Variants in CSMD2 observed in about 807,000 individuals in gnomAD.
The protein encoded by CSMD2 is CUB and sushi domain-containing protein 2.
In CSMD2, 130 loss-of-function variants were observed where a neutral mutation model predicts 398.5. The ratio of observed to expected loss-of-function variants is 0.33; its 90% CI spans 0.28 to 0.38. The LOEUF (loss-of-function observed/expected upper bound fraction) is 0.38. CSMD2 is among the 10% of genes least tolerant of loss of function. The probability of loss-of-function intolerance (pLI) is 1.00; values close to 1 mark genes in which losing one functional copy is unlikely to be tolerated. For synonymous variants in CSMD2, 1,828 were observed against 1,908.5 expected (o/e 0.96, Z 1.10); for missense variants, 3,829 against 4,764.9 (o/e 0.80, Z 5.78).
intron 2 of CSMD2, among the ~76,000 whole-genome samples, chr1:34,052,486 A>G (rs1653309412): frequency 7.6e-6 from 1 of 132,146 alleles, no homozygotes; most frequent in Non-Finnish European, 1.5e-5. Context: ...TCAATCCCCT[A>G]TGGGACAACT....
chr1:33,836,947 G>A (rs1357883446), intron 6 of CSMD2, among the ~76,000 whole-genome samples: 3 of 152,176 alleles, frequency 2.0e-5, no homozygotes, highest in Admixed American at 2.0e-4. Flanking sequence ...TTCATCTTCT[G>A]CGTCGCTCAC....
intron 3 of CSMD2, among the ~76,000 whole-genome samples, chr1:34,005,551 T>C (rs1647030009): frequency 6.6e-6 from 1 of 152,208 alleles, no homozygotes; most frequent in Admixed American, 6.5e-5. Context: ...GGAGTCCAAA[T>C]TAGCCATGTG....
In CSMD2 at chr1:33,825,793, G is replaced by A. The variant is rs781004347; in HGVS notation, c.1034-19C>T. The A allele has an allele frequency of 1.9e-6, 3 of 1,605,128 alleles. No homozygotes were observed. The highest frequency in any genetic ancestry group is 1.3e-5 in the African/African-American group (1 of 74,866). ...TTCTTGACTAGAGAGGAGGTAAGAG[G>A]AAAAACAATGTGAGTTGTTGCCTGT... On this transcript the variant is annotated intron_variant, in intron 6 of 70. Coordinates refer to ENST00000373381, the MANE Select transcript of CSMD2 (RefSeq NM_001281956.2).
intron 6 of CSMD2, among the ~76,000 whole-genome samples, chr1:33,827,251 G>A (rs572460312): frequency 6.6e-6 from 1 of 152,284 alleles, no homozygotes; most frequent in South Asian, 2.1e-4. Flanking sequence ...GGCAACCCAT[G>A]TCTTCTAGAG....
chr1:33,534,848 A>G (rs1189349972), intron 62 of CSMD2, among the ~76,000 whole-genome samples: 2 of 152,168 alleles, frequency 1.3e-5, no homozygotes, highest in African/African-American at 2.4e-5. Flanking sequence ...AATCCAACCC[A>G]TCAATGAGTC....
chr1:33,825,684 G>A lies in CSMD2; in HGVS notation c.1111+13C>T. 1.3e-6 allele frequency: 2 copies of A among 1,592,820 alleles called. No individual in the cohort carries two copies. The highest frequency in any genetic ancestry group is 1.7e-6 in the Non-Finnish European group (2 of 1,169,540). ...AAGAGGCCCGGCAGGCGGGCTGGCG[G>A]GCGGACACTTACACACAGACGTCTT... is the stretch of plus-strand genomic sequence containing the variant. On this transcript the variant is annotated intron_variant, in intron 7 of 70. Transcript: ENST00000373381.
At chr1:34,054,926 T>C (rs1455261421) in intron 2 of CSMD2, among the ~76,000 whole-genome samples, 4 of 152,158 alleles carry the variant, frequency 2.6e-5, no homozygotes, top group African/African-American at 9.7e-5. Context: ...CTAAATGCTT[T>C]TATTTTTTCT....
intron 13 of CSMD2, chr1:33,772,328 A>G: frequency 2.3e-6 from 1 of 437,360 alleles, no homozygotes; most frequent in African/African-American, 2.0e-5. Flanking sequence ...CAAGAAGGGT[A>G]AGACGGTGTT....
At chr1:33,767,713 T>C (rs1048007603) in intron 13 of CSMD2, among the ~76,000 whole-genome samples, 8 of 152,222 alleles carry the variant, frequency 5.3e-5, no homozygotes, top group African/African-American at 1.9e-4. Context: ...TATACAATAT[T>C]GATAGATTTC....
At chr1:33,724,374 T>A in intron 18 of CSMD2, 61 bp from the exon 19 acceptor site, 1 of 1,502,914 alleles carries the variant, frequency 6.7e-7, no homozygotes, top group Middle Eastern at 1.8e-4. Flanking sequence ...ACCCCCGTCA[T>A]CCTCCTGGGA....
chr1:33,612,840 C>A (rs1179387076), intron 40 of CSMD2, among the ~76,000 whole-genome samples: 3 of 79,824 alleles, frequency 3.8e-5, no homozygotes, highest in East Asian at 3.9e-4. Context: ...CGCCACCAGG[C>A]CCAGCTAATT....
At chr1:33,865,001 A>T in intron 5 of CSMD2, among the ~76,000 whole-genome samples, 1 of 126,228 alleles carries the variant, frequency 7.9e-6, no homozygotes, top group Non-Finnish European at 1.7e-5. Flanking sequence ...AGGGAAAGGG[A>T]GGGAAGGGCT....
intron 53 of CSMD2, among the ~76,000 whole-genome samples, chr1:33,563,343 G>C (rs1658748830): frequency 1.3e-5 from 2 of 152,108 alleles, no homozygotes; most frequent in South Asian, 4.1e-4. Flanking sequence ...GAGATCCAGA[G>C]ACTGGTGGAG....
At chr1:34,082,932 G>A (rs551648423) in intron 2 of CSMD2, among the ~76,000 whole-genome samples, 58 of 152,180 alleles carry the variant, frequency 3.8e-4, no homozygotes, top group Non-Finnish European at 6.6e-4. Context: ...CAAACACTGC[G>A]GAAGGCCGCA....
At chr1:33,672,545 A>G (rs1057018403) in intron 25 of CSMD2, among the ~76,000 whole-genome samples, 6 of 152,220 alleles carry the variant, frequency 3.9e-5, no homozygotes, top group Non-Finnish European at 8.8e-5. Context: ...GGCAGGGCAC[A>G]GACAATCAAA....
intron 48 of CSMD2, among the ~76,000 whole-genome samples, chr1:33,579,393 A>G (rs1307414169): frequency 6.6e-6 from 1 of 152,116 alleles, no homozygotes; most frequent in Non-Finnish European, 1.5e-5. Flanking sequence ...CAGTCATTGC[A>G]GCCACCCAGA....
chr1:33,707,119 A>T (rs552073243), intron 22 of CSMD2, among the ~76,000 whole-genome samples: 1 of 152,136 alleles, frequency 6.6e-6, no homozygotes, highest in African/African-American at 2.4e-5. Context: ...CTTAGGTGCT[A>T]TTCTGAATCT....
intron 7 of CSMD2, among the ~76,000 whole-genome samples, chr1:33,821,739 T>G (rs1379814467): frequency 1.3e-5 from 2 of 152,156 alleles, no homozygotes; most frequent in Non-Finnish European, 2.9e-5. Context: ...TCAAGGAGTT[T>G]CCAGTTGAGT....
intron 1 of CSMD2, among the ~76,000 whole-genome samples, chr1:34,100,060 C>T (rs867454315): frequency 6.6e-6 from 1 of 152,144 alleles, no homozygotes; most frequent in Non-Finnish European, 1.5e-5. Flanking sequence ...CTTCCAGAGG[C>T]AACTGCTGTT....
Sources: allele counts gnomAD v4.1 joint callset (sites outside exome capture counted in the v4.1 genomes callset), GRCh38; gene constraint gnomAD v4.1.1; transcripts MANE v1.5; gene names NCBI Gene and HGNC (gene_info 2026-07-23, HGNC 2026-07-21).